The following GLIS3 variants were observed in gnomAD, a reference collection of about 807,000 sequenced individuals.
The protein encoded by GLIS3 is zinc finger protein GLIS3.
In GLIS3, 53 loss-of-function variants were observed where a neutral mutation model predicts 78.6. That is an observed-to-expected ratio of 0.67 (90% CI 0.54 to 0.85). GLIS3 has a LOEUF of 0.85. Among genes scored for constraint, GLIS3 ranks in the 40% least tolerant of loss-of-function variants. The pLI, the probability that GLIS3 is intolerant of heterozygous loss-of-function variation, is 0.00. For missense variants in GLIS3, 1,703 were observed against 1,231.1 expected, an observed-to-expected ratio of 1.38 and a Z score of -5.74; for synonymous variants, 684 against 509.9, an observed-to-expected ratio of 1.34 and a Z score of -4.60.
intron 2 of GLIS3, among the ~76,000 whole-genome samples, chr9:4,198,613 A>G (rs1323003067): frequency 6.6e-6 from 1 of 152,248 alleles, no homozygotes; most frequent in Non-Finnish European, 1.5e-5. Flanking sequence ...AAGTGGAGAA[A>G]AAGAAAATAC....
chr9:3,910,055 G>A (rs1443273507), intron 6 of GLIS3, among the ~76,000 whole-genome samples: 2 of 152,090 alleles, frequency 1.3e-5, no homozygotes, highest in African/African-American at 4.8e-5. Flanking sequence ...TTACCATTAA[G>A]CACCCTCCAT....
chr9:4,082,818 T>C (rs893866807), intron 4 of GLIS3, among the ~76,000 whole-genome samples: 2 of 152,214 alleles, frequency 1.3e-5, no homozygotes, highest in African/African-American at 2.4e-5. Flanking sequence ...GTTCTAAAAA[T>C]TGTTCATATT....
chr9:4,007,434 C>A (rs989853249), intron 4 of GLIS3, among the ~76,000 whole-genome samples: 2 of 152,070 alleles, frequency 1.3e-5, no homozygotes, highest in African/African-American at 4.8e-5. Context: ...CAGATACATC[C>A]CTCTTTCTGA....
chr9:4,405,710 A>T, the GLIS3 span, among the ~76,000 whole-genome samples: 2,215 of 152,192 alleles, frequency 0.015, 55 homozygotes, highest in African/African-American at 0.051. Flanking sequence ...ATAATTCCAA[A>T]CTCATTCTAC....
chr9:4,319,323 T>C (rs1817485705), intron 2 of GLIS3, among the ~76,000 whole-genome samples: 1 of 152,156 alleles, frequency 6.6e-6, no homozygotes. Flanking sequence ...CCCTCTCAAA[T>C]GATCCAGATG....
Position 4,164,702 on chromosome 9 carries a change from A to G in GLIS3, c.389-38761T>C, listed in dbSNP as rs16920834. Among the ~76,000 whole-genome samples, 1,205 of 152,340 alleles carry G rather than the reference A, an allele frequency of 7.9e-3. 15 individuals are homozygous for G. The highest frequency in any genetic ancestry group is 0.028 in the African/African-American group (1,159 of 41,578). On this transcript the variant is annotated intron_variant, in intron 2 of 10. Coordinates refer to ENST00000381971, the MANE Select transcript of GLIS3 (RefSeq NM_001042413.2). ...AAAATTAGATGGCAAAGAACATCCCATGAGCATGCAACAAACAATATTGGA... is the reference window on the plus strand; with the variant it reads ...AAAATTAGATGGCAAAGAACATCCCGTGAGCATGCAACAAACAATATTGGA...
At chr9:4,128,913 G>A (rs1318758766) in intron 2 of GLIS3, among the ~76,000 whole-genome samples, 1 of 152,196 alleles carries the variant, frequency 6.6e-6, no homozygotes, top group African/African-American at 2.4e-5. Context: ...AAAGCCAAAA[G>A]GCCAAGAAGC....
intron 4 of GLIS3, among the ~76,000 whole-genome samples, chr9:4,068,844 G>A (rs1827335647): frequency 7.0e-6 from 1 of 143,336 alleles, no homozygotes; most frequent in African/African-American, 3.0e-5. Context: ...ATGTGTGTGT[G>A]TGTGTGTGTG....
intron 4 of GLIS3, among the ~76,000 whole-genome samples, chr9:4,108,308 G>A (rs1289715441): frequency 1.3e-5 from 2 of 152,108 alleles, no homozygotes; most frequent in African/African-American, 4.8e-5. Flanking sequence ...TTATATATAT[G>A]AATTTCTCTT....
At chr9:4,230,676 G>A (rs1185716583) in intron 2 of GLIS3, among the ~76,000 whole-genome samples, 1 of 152,216 alleles carries the variant, frequency 6.6e-6, no homozygotes, top group East Asian at 1.9e-4. Context: ...ATTATGGACT[G>A]CGCATGGGGA....
At chr9:3,884,775 G>A (rs142459266) in intron 7 of GLIS3, among the ~76,000 whole-genome samples, 94 of 152,214 alleles carry the variant, frequency 6.2e-4, no homozygotes, top group African/African-American at 2.0e-3. Context: ...GGCAAATAGC[G>A]GGGCTGGAAT....
At chr9:4,010,946 T>C (rs1398274768) in intron 4 of GLIS3, among the ~76,000 whole-genome samples, 1 of 152,190 alleles carries the variant, frequency 6.6e-6, no homozygotes, top group South Asian at 2.1e-4. Flanking sequence ...TGTGTATGGA[T>C]GTACTTAGAG....
intron 7 of GLIS3, among the ~76,000 whole-genome samples, chr9:3,890,364 A>G (rs996798985): frequency 2.4e-4 from 36 of 152,174 alleles, no homozygotes; most frequent in Non-Finnish European, 5.3e-4. Flanking sequence ...CTTGGAAGGA[A>G]CGCTTTATGT....
chr9:4,386,975 C>G, the GLIS3 span, among the ~76,000 whole-genome samples: 56 of 152,158 alleles, frequency 3.7e-4, no homozygotes, highest in African/African-American at 1.3e-3. Flanking sequence ...CCTACTCTGT[C>G]TATTGGTGGC....
rs12345110 is a variant in GLIS3 at position 3,988,081 on chromosome 9, G to C, written c.1711-50892C>G. Among the ~76,000 whole-genome samples the C allele has an allele frequency of 7.4e-3, 1,119 of 152,174 alleles. 14 individuals carry two copies. Among genetic ancestry groups the C allele is most frequent in the African/African-American group, 0.026 (1,091 of 41,516 alleles). On this transcript the variant is annotated intron_variant, in intron 4 of 10. Coordinates refer to ENST00000381971, the MANE Select transcript of GLIS3 (RefSeq NM_001042413.2). Reference sequence around the variant, plus strand: ...AAATATTCACCACAATCAAGCTAATGACTGGGCTTTTTAATCTGTAACCAT... The same window carrying C: ...AAATATTCACCACAATCAAGCTAATCACTGGGCTTTTTAATCTGTAACCAT...
upstream of GLIS3, among the ~76,000 whole-genome samples, chr9:4,304,686 T>G (rs1165083236): frequency 1.3e-5 from 2 of 152,132 alleles, no homozygotes; most frequent in African/African-American, 4.8e-5. Context: ...TCAGAATAAT[T>G]GAGAGCAACT....
At chr9:4,197,557 C>T (rs1051474685) in intron 2 of GLIS3, among the ~76,000 whole-genome samples, 5 of 152,200 alleles carry the variant, frequency 3.3e-5, no homozygotes, top group Non-Finnish European at 4.4e-5. Context: ...TTGGTGTCCG[C>T]CCACTGGATT....
chr9:4,288,921 C>T (rs1828221893), intron 1 of GLIS3, among the ~76,000 whole-genome samples: 1 of 152,214 alleles, frequency 6.6e-6, no homozygotes, highest in African/African-American at 2.4e-5. Flanking sequence ...CCAGTTTTCA[C>T]ATTAATTACG....
At chr9:3,881,117 AAAT>A (rs762274225) in intron 7 of GLIS3, among the ~76,000 whole-genome samples, 5 of 152,188 alleles carry the variant, frequency 3.3e-5, no homozygotes, top group Non-Finnish European at 7.3e-5. Flanking sequence ...CTTGTATTCC[AAAT>A]AATAATTTTA....
Sources: allele counts gnomAD v4.1 joint callset (sites outside exome capture counted in the v4.1 genomes callset), GRCh38; gene constraint gnomAD v4.1.1; transcripts MANE v1.5; gene names NCBI Gene and HGNC (gene_info 2026-07-23, HGNC 2026-07-21).